The following FBN1 variants were observed in gnomAD, a reference collection of about 807,000 sequenced individuals.
FBN1 encodes the protein fibrillin 1.
In FBN1, 29 loss-of-function variants were observed where a neutral mutation model predicts 365.1. That is an observed-to-expected ratio of 0.08 (90% CI 0.06 to 0.11). The LOEUF is 0.11. Ranked by LOEUF, FBN1 falls within the 10% of genes least tolerant of loss-of-function variation. The pLI, the probability that FBN1 is intolerant of heterozygous loss-of-function variation, is 1.00. For missense variants in FBN1, 2,476 were observed against 3,703.2 expected (o/e 0.67, Z 8.60); for synonymous variants, 1,210 against 1,270.5 (o/e 0.95, Z 1.01).
chr15:48,576,394 C>G (rs1340290360), intron 6 of FBN1, among the ~76,000 whole-genome samples: 1 of 152,120 alleles, frequency 6.6e-6, no homozygotes, highest in Non-Finnish European at 1.5e-5. Context: ...TTTTCCCCCT[C>G]TACTCTGATC....
chr15:48,585,181 GGTA>G (rs2140693749), intron 6 of FBN1, among the ~76,000 whole-genome samples: 2 of 152,148 alleles, frequency 1.3e-5, no homozygotes, highest in East Asian at 3.9e-4. Flanking sequence ...TGCCTACAAT[GGTA>G]AAGGTCAACA....
chr15:48,421,194 T>C (rs1343269460), intron 62 of FBN1, among the ~76,000 whole-genome samples: 1 of 152,194 alleles, frequency 6.6e-6, no homozygotes, highest in African/African-American at 2.4e-5. Flanking sequence ...AGAAGAGCTA[T>C]TCCTCATATG....
rs983129867 is a variant in FBN1 at position 48,516,333 on chromosome 15, T to C, written c.1177A>G (p.Met393Val). 2.0e-5 allele frequency: 33 copies of C among 1,613,728 alleles called. No individual in the cohort carries two copies. Among genetic ancestry groups the C allele is most frequent in the African/African-American group, 5.3e-5 (4 of 74,882 alleles). Residue 393 changes from methionine to valine, a missense_variant, in exon 11 of 66, where the codon ATG becomes GTG. This residue lies in a region of FBN1 where 421 missense variants were observed against 520.1 expected (regional missense o/e 0.81). Transcript: ENST00000316623. ...TATTCTGGTCTCCCAGGAATTACCATAGGAACAGAGCACAGCTTGTTGAAA... is the reference window on the plus strand; with the variant it reads ...TATTCTGGTCTCCCAGGAATTACCACAGGAACAGAGCACAGCTTGTTGAAA... ...EDFNKLCSVP[M>V]VIPGRPEYPP...
At chr15:48,428,168 G>A (rs1383944367) in intron 57 of FBN1, 178 bp downstream of exon 57, 3 of 768,304 alleles carry the variant, frequency 3.9e-6, no homozygotes, top group Non-Finnish European at 6.5e-6. Context: ...GAATTTAGCT[G>A]CAGGGTGGTG....
At chr15:48,568,057 A>AAAGAAAGAAAGAAAGAAAG (rs2044273933) in intron 6 of FBN1, among the ~76,000 whole-genome samples, 2 of 113,016 alleles carry the variant, frequency 1.8e-5, no homozygotes, top group African/African-American at 3.3e-5. Context: ...AAGAAGAAAG[A>AAAGAAAGAAAGAAAGAAAG]AAGAAAGAAA....
intron 6 of FBN1, among the ~76,000 whole-genome samples, chr15:48,564,092 G>A (rs1790228123): frequency 6.6e-6 from 1 of 152,112 alleles, no homozygotes; most frequent in Non-Finnish European, 1.5e-5. Flanking sequence ...GGGTGGTCTG[G>A]AAGTTTTAGG....
chr15:48,639,315 C>T (rs1233723233), intron 2 of FBN1, among the ~76,000 whole-genome samples: 1 of 152,172 alleles, frequency 6.6e-6, no homozygotes, highest in Non-Finnish European at 1.5e-5. Flanking sequence ...AATGAATTAT[C>T]ATATGCAAAA....
At chr15:48,472,419 C>A in intron 35 of FBN1, 132 bp downstream of exon 35, 1 of 1,277,870 alleles carries the variant, frequency 7.8e-7, no homozygotes. Context: ...ACAAACTGAA[C>A]TGACCAGCTT....
At chr15:48,522,801 T>C (rs992840202) in intron 9 of FBN1, among the ~76,000 whole-genome samples, 1 of 152,238 alleles carries the variant, frequency 6.6e-6, no homozygotes, top group African/African-American at 2.4e-5. Flanking sequence ...TTTTAAAGGA[T>C]ACAAGATTAT....
At position 48,534,099 on chromosome 15, in the gene FBN1, T is replaced by G. The variant is rs772218768; in HGVS notation, c.843A>C (p.Glu281Asp). The G allele has an allele frequency of 2.7e-5, 44 of 1,613,738 alleles. No individual in the cohort carries two copies. The highest frequency in any genetic ancestry group is 3.6e-5 in the Non-Finnish European group (42 of 1,179,902). The change falls in exon 8 of 66, where the codon GAA (glutamate) becomes GAC (aspartate). Residue 281 changes from glutamate to aspartate, a missense_variant. Glu to Asp is a conservative substitution (Grantham distance 45, BLOSUM62 2). This residue lies in a region of FBN1 where 421 missense variants were observed against 520.1 expected (regional missense o/e 0.81). Coordinates refer to ENST00000316623, the MANE Select transcript of FBN1 (RefSeq NM_000138.5). ...TCTTACCTTCACATTTTTGTGACAC[T>G]TCATTAAGTTTGTGTCCAGCAGGGC... is the stretch of plus-strand genomic sequence containing the variant. ...CKCPAGHKLN[E>D]VSQKCEDIDE...
chr15:48,532,533 G>A (rs909284876), intron 8 of FBN1, among the ~76,000 whole-genome samples: 8 of 120,110 alleles, frequency 6.7e-5, no homozygotes, highest in African/African-American at 9.1e-5. Context: ...TATATGGCCC[G>A]AAAATCTATT....
At chr15:48,587,064 T>C (rs1020637541) in intron 6 of FBN1, among the ~76,000 whole-genome samples, 1 of 152,158 alleles carries the variant, frequency 6.6e-6, no homozygotes, top group South Asian at 2.1e-4. Flanking sequence ...AAAAATGATA[T>C]TATATCCATG....
chr15:48,413,583 T>C (rs184242932), intron 64 of FBN1, among the ~76,000 whole-genome samples: 1 of 152,344 alleles, frequency 6.6e-6, no homozygotes, highest in African/African-American at 2.4e-5. Flanking sequence ...CCACTTGGAA[T>C]GTGTATTTAT....
At position 48,526,182 on chromosome 15, in the gene FBN1, A is replaced by G. The variant is rs2043912340; in HGVS notation, c.936T>C (p.Phe312=). The G allele has an allele frequency of 6.2e-7, 1 of 1,614,144 alleles. No individual in the cohort carries two copies. The highest frequency in any genetic ancestry group is 2.2e-5 in the East Asian group (1 of 44,872). The change falls in exon 9 of 66, where the codon TTT becomes TTC. Residue 312 remains phenylalanine (F), a synonymous_variant. Coordinates refer to ENST00000316623, the MANE Select transcript of FBN1 (RefSeq NM_000138.5). The stretch of plus-strand genomic sequence containing the variant: ...TGTAAAAACCAGGGGGACATTTGCA[A>G]AAGTAACTGCTGACTGTGTTTGTAC... ...GECTNTVSSY[F]CKCPPGFYTS...
chr15:48,471,613 C>A (rs1226092917), intron 35 of FBN1, among the ~76,000 whole-genome samples: 1 of 152,134 alleles, frequency 6.6e-6, no homozygotes, highest in Non-Finnish European at 1.5e-5. Context: ...GAACACCCAA[C>A]GGTTCCATAA....
intron 17 of FBN1, among the ~76,000 whole-genome samples, chr15:48,501,011 C>T (rs2043650673): frequency 6.6e-6 from 1 of 152,198 alleles, no homozygotes; most frequent in Admixed American, 6.5e-5. Context: ...TGGTTCATGA[C>T]CAAAGAGGTG....
At chr15:48,603,363 T>C (rs1443454905) in intron 4 of FBN1, among the ~76,000 whole-genome samples, 1 of 109,206 alleles carries the variant, frequency 9.2e-6, no homozygotes, top group African/African-American at 8.4e-5. Flanking sequence ...GTGTTAACCA[T>C]GGGAAACTGT....
intron 6 of FBN1, among the ~76,000 whole-genome samples, chr15:48,539,082 A>G (rs1234776323): frequency 2.0e-5 from 3 of 152,154 alleles, no homozygotes; most frequent in African/African-American, 7.2e-5. Context: ...GCAATAGCTG[A>G]ATCTTATCTG....
At position 48,410,863 on chromosome 15, in the gene FBN1, G is replaced by C. The variant is rs190757129; in HGVS notation, c.*127C>G. 21 of 967,902 alleles carry C rather than the reference G, an allele frequency of 2.2e-5. No homozygotes were observed. Among genetic ancestry groups the C allele is most frequent in the Non-Finnish European group, 3.2e-5 (21 of 649,992 alleles). The allele number at this position is 967,902 out of a possible 1,614,324, so 60.0% of individuals were successfully genotyped here. A position where few individuals can be genotyped will look rare whatever the true frequency, so the allele number is the denominator to read the frequency against. On this transcript the variant is annotated 3_prime_UTR_variant, in exon 66 of 66. Coordinates refer to ENST00000316623, the MANE Select transcript of FBN1 (RefSeq NM_000138.5). ...TTGCTTTGGTAATACAAAGAATAGTGCTTATTTATACAAATTTACTTGGTG... is the reference window on the plus strand; with the variant it reads ...TTGCTTTGGTAATACAAAGAATAGTCCTTATTTATACAAATTTACTTGGTG...
Sources: allele counts gnomAD v4.1 joint callset (sites outside exome capture counted in the v4.1 genomes callset), GRCh38; gene constraint gnomAD v4.1.1; regional missense constraint gnomAD v4.1.1; transcripts MANE v1.5; gene names NCBI Gene and HGNC (gene_info 2026-07-23, HGNC 2026-07-21).